Variants in PASD1 observed in about 807,000 individuals in gnomAD.
PASD1 encodes the protein PAS domain containing repressor 1, also known as circadian clock protein PASD1.
A neutral mutation model predicts 58.8 loss-of-function variants in PASD1; 13 were observed. The observed-to-expected ratio is 0.22, with a 90% CI of 0.14 to 0.35. The LOEUF (loss-of-function observed/expected upper bound fraction) is 0.35. Ranked by LOEUF, PASD1 falls within the 10% of genes least tolerant of loss-of-function variation. The pLI is 1.00. For missense variants in PASD1, 734 were observed against 568.3 expected (o/e 1.29, Z -2.96); for synonymous variants, 236 against 216.7 (o/e 1.09, Z -0.78).
chrX:151,653,751 C>CTTCTTTCTTTCTTTCT (rs1246137820), intron 9 of PASD1, among the ~76,000 whole-genome samples: 56 of 16,958 alleles, frequency 3.3e-3, no homozygotes, highest in Non-Finnish European at 3.7e-3. Context: ...TCTTTCCTTC[C>CTTCTTTCTTTCTTTCT]TTCTTTCTTT....
chrX:151,654,800 A>T (rs2014215124), intron 9 of PASD1, among the ~76,000 whole-genome samples: 2 of 110,982 alleles, frequency 1.8e-5, no homozygotes, highest in Admixed American at 1.9e-4. Flanking sequence ...GAGATAAGAT[A>T]TAGAGATGAT....
chrX:151,675,121 G>A (rs902104464), intron 15 of PASD1, among the ~76,000 whole-genome samples: 1 of 111,671 alleles, frequency 9.0e-6, no homozygotes, highest in African/African-American at 3.3e-5. Flanking sequence ...CCTAGAGGGG[G>A]TCCTGAGAGA....
At chrX:151,581,829 G>C in intron 1 of PASD1, among the ~76,000 whole-genome samples, 1 of 110,031 alleles carries the variant, frequency 9.1e-6, no homozygotes, top group East Asian at 2.9e-4. Flanking sequence ...AGCCAGCTCT[G>C]TCAACTCAAT....
At chrX:151,632,215 T>C (rs1001181520) in intron 8 of PASD1, among the ~76,000 whole-genome samples, 1 of 110,688 alleles carries the variant, frequency 9.0e-6, no homozygotes, top group Non-Finnish European at 1.9e-5. Context: ...AGGTTAAAAA[T>C]GGAGTAATAT....
At chrX:151,629,737 T>C (rs2013843199) in intron 8 of PASD1, among the ~76,000 whole-genome samples, 1 of 112,318 alleles carries the variant, frequency 8.9e-6, no homozygotes, top group Non-Finnish European at 1.9e-5. Context: ...ACTGACATGC[T>C]CTTGTCTAGG....
chrX:151,604,556 T>C, intron 2 of PASD1, 90 bp from the exon 3 acceptor site: 2 of 597,347 alleles, frequency 3.3e-6, no homozygotes, highest in Non-Finnish European at 2.6e-6. Flanking sequence ...GTCTTTTCTA[T>C]AAATTAAGTA....
rs1183839369 is a variant in PASD1, at chrX:151,653,750, C to CTTT, written c.717+5048_717+5049insTTT. 4.2e-4 allele frequency among the ~76,000 whole-genome samples: 11 copies of CTTT among 26,292 alleles called. 1 individual carries two copies. The highest frequency in any genetic ancestry group is 8.9e-4 in the East Asian group (2 of 2,251). 22.8% of individuals were successfully genotyped at this position (26,292 alleles called of 115,157 possible). On this transcript the variant is annotated intron_variant, in intron 9 of 15. Coordinates refer to ENST00000370357, the MANE Select transcript of PASD1 (RefSeq NM_173493.3). The stretch of plus-strand genomic sequence containing the variant: ...CTTCTCTCTCTCTCTTTCTTTCCTT[C>CTTT]CTTCTTTCTTTCTTTCTTTCTTTCT...
intron 10 of PASD1, among the ~76,000 whole-genome samples, chrX:151,663,885 G>A (rs2014340429): frequency 8.9e-6 from 1 of 112,052 alleles, no homozygotes; most frequent in African/African-American, 3.2e-5. Context: ...AACAAATGCA[G>A]TGGGTTTAGG....
intron 1 of PASD1, among the ~76,000 whole-genome samples, chrX:151,586,302 T>C: frequency 8.9e-6 from 1 of 112,091 alleles, no homozygotes; most frequent in Non-Finnish European, 1.9e-5. Context: ...GAGTAATCAC[T>C]TCAGAGTTTA....
At position 151,653,799 on chromosome X, in the gene PASD1, T is replaced by TTTCC. The variant is rs1225513913; in HGVS notation, c.717+5142_717+5145dup. Among the ~76,000 whole-genome samples the TTTCC allele has an allele frequency of 2.7e-4, 5 of 18,536 alleles. 1 individual carries two copies. Among genetic ancestry groups the TTTCC allele is most frequent in the African/African-American group, 7.9e-4 (5 of 6,351 alleles). The allele number at this position is 18,536 out of a possible 115,157, so 16.1% of individuals were successfully genotyped here. On this transcript the variant is annotated intron_variant, in intron 9 of 15. Coordinates refer to ENST00000370357, the MANE Select transcript of PASD1 (RefSeq NM_173493.3). ...CTTTCTTTCTTTCTTTCTTTCTTTC[T>TTTCC]TTCCTTCCTTCCTTCCTTCCTTCCT...
rs17279560 is a variant in PASD1 at position 151,672,109 on chromosome X, T to A, written c.1438-74T>A. The A allele has an allele frequency of 0.011, 12,595 of 1,105,626 alleles. 491 individuals are homozygous for A. In the East Asian group the frequency reaches 0.2, roughly 18 times the overall value. The allele number at this position is 1,105,626 out of a possible 1,213,427, so 91.1% of individuals were successfully genotyped here. A position where few individuals can be genotyped will look rare whatever the true frequency, so the allele number is the denominator to read the frequency against. The stretch of plus-strand genomic sequence containing the variant: ...CACCTTTTGCTTTGCGAGAATTGAA[T>A]GGGAGTGTTAAATAAGTTTCTGGGA... On this transcript the variant is annotated intron_variant, in intron 13 of 15. Coordinates refer to ENST00000370357, the MANE Select transcript of PASD1 (RefSeq NM_173493.3).
intron 1 of PASD1, among the ~76,000 whole-genome samples, chrX:151,576,501 A>G (rs952047079): frequency 8.9e-6 from 1 of 112,683 alleles, no homozygotes; most frequent in African/African-American, 3.2e-5. Flanking sequence ...ATTTTCACCA[A>G]TGACAACTAC....
intron 8 of PASD1, among the ~76,000 whole-genome samples, chrX:151,630,153 G>A (rs958333115): frequency 1.8e-5 from 2 of 111,883 alleles, no homozygotes; most frequent in African/African-American, 6.5e-5. Context: ...GGGAAAAAGC[G>A]GATGCATTTA....
At chrX:151,606,979 A>T (rs889642479) in intron 3 of PASD1, among the ~76,000 whole-genome samples, 16 of 111,709 alleles carry the variant, frequency 1.4e-4, no homozygotes, top group Admixed American at 3.8e-4. Flanking sequence ...TACATAACAT[A>T]TAGTAACACT....
chrX:151,644,086 C>T (rs2014029361), intron 8 of PASD1, among the ~76,000 whole-genome samples: 1 of 111,973 alleles, frequency 8.9e-6, no homozygotes, highest in Admixed American at 9.5e-5. Context: ...CATTGACTAT[C>T]TGCCTTTAGC....
chrX:151,658,810 C>G (rs1046359771), intron 9 of PASD1, among the ~76,000 whole-genome samples: 2 of 112,189 alleles, frequency 1.8e-5, no homozygotes, highest in Admixed American at 1.9e-4. Flanking sequence ...AATATTTTGT[C>G]AGGGATGTAA....
chrX:151,643,108 A>C (rs2014017354), intron 8 of PASD1, among the ~76,000 whole-genome samples: 1 of 112,344 alleles, frequency 8.9e-6, no homozygotes, highest in African/African-American at 3.2e-5. Context: ...TTAAAAAAAC[A>C]GGTTTTTGGT....
chrX:151,625,680 A>C, intron 8 of PASD1, 150 bp downstream of exon 8: 1 of 479,764 alleles, frequency 2.1e-6, no homozygotes, highest in Non-Finnish European at 3.5e-6. Flanking sequence ...ATGGTGGCTC[A>C]TGCCTGTAGT....
At chrX:151,636,167 A>G (rs1016112546) in intron 8 of PASD1, among the ~76,000 whole-genome samples, 1 of 111,018 alleles carries the variant, frequency 9.0e-6, no homozygotes, top group Non-Finnish European at 1.9e-5. Flanking sequence ...ATAAAAATAG[A>G]ACCATACAGT....
Sources: allele counts gnomAD v4.1 joint callset (sites outside exome capture counted in the v4.1 genomes callset), GRCh38; gene constraint gnomAD v4.1.1; transcripts MANE v1.5; gene names NCBI Gene and HGNC (gene_info 2026-07-23, HGNC 2026-07-21).